Variants in RBFOX3 observed in about 807,000 individuals in gnomAD.
RBFOX3 encodes the protein RNA binding protein fox-1 homolog 3.
A neutral mutation model predicts 48.7 loss-of-function variants in RBFOX3; 17 were observed. That is an observed-to-expected ratio of 0.35 (90% CI 0.24 to 0.52). RBFOX3 has a LOEUF of 0.52. RBFOX3 is among the 20% of genes least tolerant of loss of function. The probability of loss-of-function intolerance (pLI) is 0.94; values close to 1 mark genes in which losing one functional copy is unlikely to be tolerated. For synonymous variants in RBFOX3, 212 were observed against 209.5 expected (o/e 1.01, Z -0.10); for missense variants, 382 against 497.5 (o/e 0.77, Z 2.21).
chr17:79,235,097 T>C (rs896976914), intron 4 of RBFOX3: 10 of 152,260 alleles, frequency 6.6e-5, no homozygotes, highest in South Asian at 2.1e-4. Context: ...CACAACCCCA[T>C]TGAAGGTCCA....
chr17:79,230,902 G>T (rs1255061173), intron 4 of RBFOX3, among the ~76,000 whole-genome samples: 1 of 152,076 alleles, frequency 6.6e-6, no homozygotes, highest in Non-Finnish European at 1.5e-5. Flanking sequence ...TTCTGCTTCT[G>T]GTCAAGATGG....
intron 1 of RBFOX3, among the ~76,000 whole-genome samples, chr17:79,526,621 G>A (rs1249851941): frequency 2.6e-5 from 4 of 152,150 alleles, no homozygotes; most frequent in African/African-American, 7.2e-5. Context: ...AAACCACAAA[G>A]GCAATAGGGG....
At chr17:79,329,059 G>A (rs1295410169) in intron 2 of RBFOX3, among the ~76,000 whole-genome samples, 1 of 152,102 alleles carries the variant, frequency 6.6e-6, no homozygotes, top group Non-Finnish European at 1.5e-5. Context: ...GGAGGGACAG[G>A]GAGGAGGCTG....
At chr17:79,174,443 G>C (rs1406311008) in intron 4 of RBFOX3, among the ~76,000 whole-genome samples, 1 of 150,032 alleles carries the variant, frequency 6.7e-6, no homozygotes, top group Non-Finnish European at 1.5e-5. Context: ...CTGACACAAT[G>C]CATATCACAT....
intron 4 of RBFOX3, among the ~76,000 whole-genome samples, chr17:79,131,448 G>C (rs1048848520): frequency 6.6e-6 from 1 of 152,176 alleles, no homozygotes; most frequent in Admixed American, 6.5e-5. Context: ...CAAACCCCAC[G>C]GCGTGAGCCC....
At chr17:79,287,433 G>A (rs1409550890) in intron 3 of RBFOX3, among the ~76,000 whole-genome samples, 3 of 152,170 alleles carry the variant, frequency 2.0e-5, no homozygotes, top group Non-Finnish European at 4.4e-5. Flanking sequence ...GGGTAGAGTG[G>A]GGTGTTGATC....
chr17:79,251,870 C>A (rs903866903), intron 3 of RBFOX3, among the ~76,000 whole-genome samples: 4 of 152,232 alleles, frequency 2.6e-5, no homozygotes, highest in African/African-American at 9.6e-5. Flanking sequence ...AGGGGTCTGC[C>A]CTCAGGCTGA....
rs188177198 is a variant in RBFOX3, at chr17:79,362,219, C to A, written c.-174-54395G>T. Among the ~76,000 whole-genome samples, 1 of 152,370 alleles carries A rather than the reference C, an allele frequency of 6.6e-6. No individual in the cohort carries two copies. The highest frequency in any genetic ancestry group is 2.4e-5 in the African/African-American group (1 of 41,592). ...CCGGGGTCTTTCAGCCTGAGGTGAG[C>A]GCCCCAGAGAGCTTCCCAGGTTCTC... On this transcript the variant is annotated intron_variant, in intron 2 of 14. Coordinates refer to ENST00000693108, the MANE Select transcript of RBFOX3 (RefSeq NM_001350451.2). This position sits in a 1 kb window ranked among gnomAD's most constrained non-coding sequence, Gnocchi z 4.2.
intron 2 of RBFOX3, among the ~76,000 whole-genome samples, chr17:79,371,570 G>A (rs1568128702): frequency 6.6e-6 from 1 of 152,120 alleles, no homozygotes; most frequent in Non-Finnish European, 1.5e-5. Flanking sequence ...AGAGAAAATC[G>A]AGACGCCCAG....
intron 2 of RBFOX3, among the ~76,000 whole-genome samples, chr17:79,425,197 C>T (rs146851040): frequency 2.0e-4 from 31 of 152,310 alleles, no homozygotes; most frequent in African/African-American, 6.5e-4. Context: ...CCCAGGCCAC[C>T]GCACCCTGCA....
chr17:79,317,128 C>G (rs990314773), intron 2 of RBFOX3, among the ~76,000 whole-genome samples: 4 of 152,142 alleles, frequency 2.6e-5, no homozygotes, highest in African/African-American at 9.7e-5. Flanking sequence ...ATCTCCCCCA[C>G]GGCCACCCCC....
chr17:79,298,717 G>C (rs1185972747), intron 3 of RBFOX3, among the ~76,000 whole-genome samples: 1 of 152,194 alleles, frequency 6.6e-6, no homozygotes, highest in Admixed American at 6.5e-5. Flanking sequence ...GCCCAGCTGG[G>C]GAAGCTGGGG....
chr17:79,150,964 C>A (rs1391428628), intron 4 of RBFOX3, among the ~76,000 whole-genome samples: 1 of 152,210 alleles, frequency 6.6e-6, no homozygotes, highest in East Asian at 1.9e-4. Flanking sequence ...CCACAGAGGG[C>A]TGGGCAGTGC....
intron 4 of RBFOX3, among the ~76,000 whole-genome samples, chr17:79,176,838 T>G (rs1280189368): frequency 6.6e-6 from 1 of 151,932 alleles, no homozygotes; most frequent in African/African-American, 2.4e-5. Flanking sequence ...ATTAAAAGCA[T>G]GGAAAATTCT....
intron 2 of RBFOX3, among the ~76,000 whole-genome samples, chr17:79,355,533 C>A (rs1015148282): frequency 5.3e-5 from 8 of 152,082 alleles, no homozygotes; most frequent in South Asian, 4.1e-4. Context: ...CTGAGTTCAA[C>A]GCATGTTAGA....
chr17:79,576,577 A>G, intron 1 of RBFOX3, among the ~76,000 whole-genome samples: 1 of 151,018 alleles, frequency 6.6e-6, no homozygotes, highest in Middle Eastern at 3.4e-3. Flanking sequence ...ATGATGGAGA[A>G]GGTGGAGATC....
chr17:79,393,716 G>C (rs1048705134), intron 2 of RBFOX3, among the ~76,000 whole-genome samples: 4 of 151,674 alleles, frequency 2.6e-5, no homozygotes. Flanking sequence ...CATCTGAGCC[G>C]GTCATCATAC....
chr17:79,309,730 C>T (rs1374705459), intron 2 of RBFOX3, among the ~76,000 whole-genome samples: 1 of 152,112 alleles, frequency 6.6e-6, no homozygotes, highest in African/African-American at 2.4e-5. Flanking sequence ...CGGCAGTTTC[C>T]CCCATGCTGT....
At chr17:79,123,627 G>A (rs1024984828) in intron 4 of RBFOX3, among the ~76,000 whole-genome samples, 13 of 144,928 alleles carry the variant, frequency 9.0e-5, no homozygotes, top group African/African-American at 2.8e-4. Flanking sequence ...CTCGGTGGGC[G>A]TGCTCGCTGA....
Sources: gnomAD v4.1 joint callset for allele counts (sites outside exome capture counted in the v4.1 genomes callset) on GRCh38, gnomAD v4.1.1 for gene constraint, Gnocchi (gnomAD v3.1) non-coding constraint, MANE v1.5 for transcripts, NCBI Gene and HGNC (gene_info 2026-07-23, HGNC 2026-07-21) for gene names.